The following HIVEP3 variants were observed in gnomAD, a reference collection of about 807,000 sequenced individuals.
HIVEP3 encodes the protein HIVEP zinc finger 3, also known as transcription factor HIVEP3.
Under a neutral mutation model 152.8 loss-of-function variants are expected in HIVEP3, and 49 were observed. The observed-to-expected ratio is 0.32, with a 90% CI of 0.26 to 0.41. The LOEUF (loss-of-function observed/expected upper bound fraction) is 0.41. Among genes scored for constraint, HIVEP3 ranks in the 10% least tolerant of loss-of-function variants. HIVEP3 has a pLI of 1.00. For missense variants in HIVEP3, 2,790 were observed against 3,103.3 expected, an observed-to-expected ratio of 0.90 and a Z score of 2.40; for synonymous variants, 1,269 against 1,289.0, an observed-to-expected ratio of 0.98 and a Z score of 0.33.
Position 41,582,380 on chromosome 1 carries a change from A to G in HIVEP3, c.2418T>C (p.Phe806=), listed in dbSNP as rs1644427182. Residue 806 remains phenylalanine (F), a synonymous_variant, in exon 4 of 9, where the codon TTT becomes TTC. Transcript: ENST00000372583. This position sits in a 1 kb window ranked among gnomAD's most constrained non-coding sequence, Gnocchi z 4.7. ...EISVIQHTSS[F]EKSDSLEQPS... ...GCTGCTCGAGAGAATCAGATTTCTC[A>G]AAGGAGCTGGTGTGCTGGATGACAG... 1.2e-6 allele frequency: 2 copies of G among 1,614,068 alleles called. No individual in the cohort carries two copies. The highest frequency in any genetic ancestry group is 1.7e-5 in the Admixed American group (1 of 60,010).
At chr1:41,553,038 C>T (rs1404743058) in intron 5 of HIVEP3, among the ~76,000 whole-genome samples, 6 of 152,158 alleles carry the variant, frequency 3.9e-5, no homozygotes, top group Admixed American at 3.3e-4. Flanking sequence ...CCTGAGTTCA[C>T]GTCCTGGATA....
chr1:41,655,488 T>A (rs1326090275), intron 2 of HIVEP3, among the ~76,000 whole-genome samples: 3 of 142,296 alleles, frequency 2.1e-5, no homozygotes, highest in Non-Finnish European at 4.5e-5. Context: ...GACGCTGAGG[T>A]GACAGAATTG....
intron 1 of HIVEP3, among the ~76,000 whole-genome samples, chr1:41,821,423 C>T (rs1333844408): frequency 2.6e-5 from 4 of 152,170 alleles, no homozygotes; most frequent in African/African-American, 7.2e-5. Flanking sequence ...AAAGACCACT[C>T]GAGCTTTTTG....
chr1:41,560,887 C>A (rs1015927230), intron 5 of HIVEP3, among the ~76,000 whole-genome samples: 1 of 152,214 alleles, frequency 6.6e-6, no homozygotes, highest in Non-Finnish European at 1.5e-5. Flanking sequence ...GAATTCCCAG[C>A]AGATGCCTCA....
chr1:42,000,998 G>A (rs1296468949), intron 1 of HIVEP3, among the ~76,000 whole-genome samples: 1 of 152,188 alleles, frequency 6.6e-6, no homozygotes, highest in Non-Finnish European at 1.5e-5. Flanking sequence ...ACAACCCCAT[G>A]AAGCATGACC....
chr1:41,690,403 G>A (rs1646179093), intron 2 of HIVEP3, among the ~76,000 whole-genome samples: 1 of 152,192 alleles, frequency 6.6e-6, no homozygotes. Context: ...GGAGATTGTG[G>A]GGACACTGAA....
At chr1:41,851,608 C>T (rs1279126539) in intron 1 of HIVEP3, among the ~76,000 whole-genome samples, 2 of 152,134 alleles carry the variant, frequency 1.3e-5, no homozygotes, top group African/African-American at 2.4e-5. Flanking sequence ...GATGAGAGCA[C>T]CTTCTTTCAA....
chr1:41,732,731 C>T (rs1045172219), intron 1 of HIVEP3, among the ~76,000 whole-genome samples: 12 of 152,142 alleles, frequency 7.9e-5, no homozygotes, highest in African/African-American at 2.4e-4. Context: ...GCACCTGGAC[C>T]GCGACGCTCT....
At chr1:41,585,576 A>G (rs569045350) in intron 3 of HIVEP3, among the ~76,000 whole-genome samples, 1 of 152,252 alleles carries the variant, frequency 6.6e-6, no homozygotes, top group Non-Finnish European at 1.5e-5. Context: ...GACTGTGGCC[A>G]TGTGGGATGC....
chr1:41,829,304 C>T (rs1280383120), intron 1 of HIVEP3, among the ~76,000 whole-genome samples: 3 of 152,210 alleles, frequency 2.0e-5, no homozygotes, highest in Non-Finnish European at 4.4e-5. Flanking sequence ...AAAAATATCA[C>T]ATTGATGTAG....
At chr1:42,034,583 G>A (rs1645630460) in intron 1 of HIVEP3, among the ~76,000 whole-genome samples, 1 of 152,172 alleles carries the variant, frequency 6.6e-6, no homozygotes, top group African/African-American at 2.4e-5. Flanking sequence ...TCCCTAGGCA[G>A]GACTGTACAC....
At chr1:41,540,049 G>A (rs1643490358) in intron 5 of HIVEP3, among the ~76,000 whole-genome samples, 1 of 152,250 alleles carries the variant, frequency 6.6e-6, no homozygotes, top group South Asian at 2.1e-4. Flanking sequence ...CTTACAGGTG[G>A]TGAAGGAGAG....
intron 1 of HIVEP3, among the ~76,000 whole-genome samples, chr1:41,831,744 C>T (rs918144303): frequency 3.9e-5 from 6 of 152,214 alleles, no homozygotes; most frequent in African/African-American, 1.4e-4. Context: ...GCTGCCTGTG[C>T]ACCAGGCATG....
intron 2 of HIVEP3, among the ~76,000 whole-genome samples, chr1:41,654,546 T>C (rs374039195): frequency 6.6e-6 from 1 of 152,234 alleles, no homozygotes; most frequent in Non-Finnish European, 1.5e-5. Context: ...TAGCTTCTAC[T>C]CAGTTTCCTT....
chr1:41,550,669 C>G (rs655173), intron 5 of HIVEP3, among the ~76,000 whole-genome samples: 4,755 of 152,158 alleles, frequency 0.031, 130 homozygotes, highest in South Asian at 0.083. Flanking sequence ...TGATTTGGCT[C>G]TCTGTTTGTC....
chr1:41,960,953 G>A (rs966695997), intron 1 of HIVEP3, among the ~76,000 whole-genome samples: 1 of 152,184 alleles, frequency 6.6e-6, no homozygotes, highest in African/African-American at 2.4e-5. Context: ...ATCCCATGGA[G>A]AGTTGGGATC....
In HIVEP3 at chr1:41,509,619, G is replaced by A. The variant is rs1168274835; in HGVS notation, c.*832C>T. The A allele has an allele frequency of 1.3e-5, 2 of 152,052 alleles. No individual in the cohort carries two copies. Among genetic ancestry groups the A allele is most frequent in the Non-Finnish European group, 2.9e-5 (2 of 68,060 alleles). The allele number at this position is 152,052 out of a possible 1,614,324, so 9.4% of individuals were successfully genotyped here. On this transcript the variant is annotated 3_prime_UTR_variant, in exon 9 of 9. Coordinates refer to ENST00000372583, the MANE Select transcript of HIVEP3 (RefSeq NM_024503.5). ...TCAGGGCTCCTTCCCCAGCCCAGGG[G>A]GCCAGGGTGGGGTGCAGAAGGGAGG...
chr1:41,667,742 T>C (rs1283952433), intron 2 of HIVEP3, among the ~76,000 whole-genome samples: 1 of 152,186 alleles, frequency 6.6e-6, no homozygotes, highest in East Asian at 1.9e-4. Flanking sequence ...AGCTGCTAAA[T>C]TGGGAGAATA....
chr1:41,643,348 C>T (rs1645406392), intron 2 of HIVEP3, among the ~76,000 whole-genome samples: 1 of 152,236 alleles, frequency 6.6e-6, no homozygotes, highest in African/African-American at 2.4e-5. Flanking sequence ...ATTTATTCCC[C>T]TGCACACGGG....
Sources: gnomAD v4.1 joint callset for allele counts (sites outside exome capture counted in the v4.1 genomes callset) on GRCh38, gnomAD v4.1.1 for gene constraint, Gnocchi (gnomAD v3.1) non-coding constraint, MANE v1.5 for transcripts, NCBI Gene and HGNC (gene_info 2026-07-23, HGNC 2026-07-21) for gene names.